TAOK3: variants seen among roughly 807,000 people sequenced by gnomAD.
The protein encoded by TAOK3 is serine/threonine-protein kinase TAO3.
TAOK3 carries 40 observed loss-of-function variants against 120.4 expected under a neutral mutation model. The observed-to-expected ratio is 0.33, with a 90% CI of 0.26 to 0.43. The LOEUF is 0.43. Ranked by LOEUF, TAOK3 falls within the 20% of genes least tolerant of loss-of-function variation. TAOK3 has a pLI of 1.00. For synonymous variants in TAOK3, 355 were observed against 387.5 expected (o/e 0.92, Z 0.99); for missense variants, 821 against 1,112.1 (o/e 0.74, Z 3.72).
chr12:118,187,606 C>T (rs528854738), intron 14 of TAOK3, among the ~76,000 whole-genome samples: 1 of 151,560 alleles, frequency 6.6e-6, no homozygotes, highest in Non-Finnish European at 1.5e-5. Context: ...ATTTTTTTTC[C>T]CCTCCCTAAA....
intron 17 of TAOK3, among the ~76,000 whole-genome samples, chr12:118,170,408 C>T (rs1314408748): frequency 1.3e-5 from 2 of 152,180 alleles, no homozygotes; most frequent in African/African-American, 4.8e-5. Context: ...CTGTGTATTA[C>T]TGTCAATCTG....
chr12:118,152,541 G>T (rs982727455), intron 19 of TAOK3, 132 bp from the exon 20 acceptor site: 14 of 795,852 alleles, frequency 1.8e-5, no homozygotes, highest in Non-Finnish European at 2.6e-5. Context: ...AAACACAGAT[G>T]CTCTGGGTAC....
intron 1 of TAOK3, among the ~76,000 whole-genome samples, chr12:118,317,906 G>C (rs1412532044): frequency 6.6e-6 from 1 of 151,976 alleles, no homozygotes; most frequent in African/African-American, 2.4e-5. Context: ...TGCAGTACTG[G>C]CCTAAGGACA....
chr12:118,160,345 T>G lies in TAOK3; in HGVS notation c.2153A>C (p.Gln718Pro). 2 of 1,613,888 alleles carry G rather than the reference T, an allele frequency of 1.2e-6. No individual in the cohort carries two copies. Among genetic ancestry groups the G allele is most frequent in the Non-Finnish European group, 1.7e-6 (2 of 1,179,932 alleles). Residue 718 changes from glutamine to proline, a missense_variant, in exon 19 of 21, where the codon CAA becomes CCA. Physicochemically the swap from Gln to Pro is moderately conservative, Grantham distance 76. Coordinates refer to ENST00000392533, the MANE Select transcript of TAOK3 (RefSeq NM_016281.4). This position sits in a 1 kb window ranked among gnomAD's most constrained non-coding sequence, Gnocchi z 4.2. ...QPKNLKAMEM[Q>P]IKKQFQDTCK... ...AGTGTCCTGAAACTGTTTTTTAATTTGCATTTCCATGGCCTGGGTAGAAAA... is the reference window on the plus strand; with the variant it reads ...AGTGTCCTGAAACTGTTTTTTAATTGGCATTTCCATGGCCTGGGTAGAAAA...
chr12:118,313,357 AC>A (rs2043332093), intron 1 of TAOK3, among the ~76,000 whole-genome samples: 3 of 151,824 alleles, frequency 2.0e-5, no homozygotes, highest in African/African-American at 4.8e-5. Flanking sequence ...GCTCACTGCA[AC>A]CTCCGCCTCC....
intron 16 of TAOK3, among the ~76,000 whole-genome samples, chr12:118,174,480 G>A (rs2036198697): frequency 1.3e-5 from 2 of 151,670 alleles, no homozygotes; most frequent in Non-Finnish European, 1.5e-5. Context: ...GTATGCTTGA[G>A]GACTGAGTGG....
chr12:118,218,210 A>G (rs2039037217), intron 9 of TAOK3, among the ~76,000 whole-genome samples: 1 of 152,042 alleles, frequency 6.6e-6, no homozygotes, highest in African/African-American at 2.4e-5. Flanking sequence ...ACAAGTGGAA[A>G]TTTGGAAGTT....
At chr12:118,177,605 C>T (rs1462913367) in intron 15 of TAOK3, among the ~76,000 whole-genome samples, 1 of 151,834 alleles carries the variant, frequency 6.6e-6, no homozygotes, top group Non-Finnish European at 1.5e-5. Flanking sequence ...AGGCAGATCA[C>T]CTGAGGTCGG....
chr12:118,303,685 T>G (rs1298572937), intron 1 of TAOK3, among the ~76,000 whole-genome samples: 1 of 152,250 alleles, frequency 6.6e-6, no homozygotes, highest in Non-Finnish European at 1.5e-5. Context: ...TTTGCTCTTG[T>G]CACCCAGGCT....
At chr12:118,321,227 T>TACATGCAAATACACACACACACACACAA (rs2043690590) in intron 1 of TAOK3, among the ~76,000 whole-genome samples, 2 of 152,090 alleles carry the variant, frequency 1.3e-5, no homozygotes, top group African/African-American at 4.8e-5. Context: ...TTAACATGTA[T>TACATGCAAATACACACACACACACACAA]ACATGCAAAT....
chr12:118,184,934 T>C (rs907494108), intron 14 of TAOK3, among the ~76,000 whole-genome samples: 11 of 152,206 alleles, frequency 7.2e-5, no homozygotes, highest in Admixed American at 2.0e-4. Context: ...GACTTTCTCA[T>C]GTGAAAGTGC....
chr12:118,189,716 A>G, intron 14 of TAOK3, 91 bp downstream of exon 14: 9 of 1,476,680 alleles, frequency 6.1e-6, no homozygotes, highest in Non-Finnish European at 8.4e-6. Context: ...CCTCCCATCC[A>G]TGAAGCCGAG....
Position 118,181,426 on chromosome 12 carries a change from G to C in TAOK3, c.1511C>G (p.Ser504Trp). 1 of 1,614,168 alleles carries C rather than the reference G, an allele frequency of 6.2e-7. No individual in the cohort carries two copies. The highest frequency in any genetic ancestry group is 8.5e-7 in the Non-Finnish European group (1 of 1,180,026). ...QKEVETHANN[S>W]SIELEKLAKK... ...GGCCAGCTTCTCCAGCTCGATGGACGAGTTGTTGGCATGCGTCTCCACCTC... is the reference window on the plus strand; with the variant it reads ...GGCCAGCTTCTCCAGCTCGATGGACCAGTTGTTGGCATGCGTCTCCACCTC... The change falls in exon 15 of 21, where the codon TCG becomes TGG. Residue 504 changes from serine (S) to tryptophan (W), a missense_variant. Physicochemically the swap from Ser to Trp is radical, Grantham distance 177 (BLOSUM62 -3). This residue lies in a region of TAOK3 where 354 missense variants were observed against 572.1 expected (regional missense o/e 0.62). Transcript: ENST00000392533.
chr12:118,208,943 C>T (rs1014147158), intron 11 of TAOK3, among the ~76,000 whole-genome samples: 1 of 152,142 alleles, frequency 6.6e-6, no homozygotes, highest in Non-Finnish European at 1.5e-5. Flanking sequence ...AACTCCTGAC[C>T]TTGTGATCTG....
intron 12 of TAOK3, chr12:118,200,827 A>G (rs2037982447): frequency 6.6e-6 from 1 of 152,576 alleles, no homozygotes; most frequent in South Asian, 2.1e-4. Flanking sequence ...ATCTACCTCT[A>G]CGATGTTTCT....
chr12:118,183,161 A>G (rs2036872987), intron 14 of TAOK3, among the ~76,000 whole-genome samples: 1 of 152,184 alleles, frequency 6.6e-6, no homozygotes, highest in African/African-American at 2.4e-5. Context: ...CTTTACAGGA[A>G]ATTTTCAAGC....
chr12:118,360,267 G>GA (rs72492129), intron 1 of TAOK3, among the ~76,000 whole-genome samples: 1,393 of 115,014 alleles, frequency 0.012, 12 homozygotes, highest in Non-Finnish European at 0.017. Flanking sequence ...TGTCTCAAAA[G>GA]AAAAAAAAAA....
intron 1 of TAOK3, among the ~76,000 whole-genome samples, chr12:118,352,867 T>C (rs951850802): frequency 1.3e-5 from 2 of 152,028 alleles, no homozygotes; most frequent in African/African-American, 4.8e-5. Context: ...TGTGCCACCA[T>C]GCCTGGCTAG....
intron 14 of TAOK3, among the ~76,000 whole-genome samples, chr12:118,186,112 A>T (rs1360700034): frequency 1.3e-5 from 2 of 152,252 alleles, no homozygotes; most frequent in East Asian, 3.9e-4. Context: ...CCAAATGAAG[A>T]CTCTCTATGA....
Sources: allele counts gnomAD v4.1 joint callset (sites outside exome capture counted in the v4.1 genomes callset), GRCh38; gene constraint gnomAD v4.1.1; regional missense constraint gnomAD v4.1.1; non-coding constraint Gnocchi (gnomAD v3.1); transcripts MANE v1.5; gene names NCBI Gene and HGNC (gene_info 2026-07-23, HGNC 2026-07-21).